The following RGS22 variants were observed in gnomAD, a reference collection of about 807,000 sequenced individuals.
RGS22 encodes the protein regulator of G-protein signaling 22.
A neutral mutation model predicts 172.9 loss-of-function variants in RGS22; 148 were observed. The observed-to-expected ratio is 0.86, with a 90% CI of 0.75 to 0.98. The LOEUF (loss-of-function observed/expected upper bound fraction) is 0.98. Ranked by LOEUF, RGS22 falls within the 50% of genes least tolerant of loss-of-function variation. The probability of loss-of-function intolerance (pLI) is 0.00; values close to 1 mark genes in which losing one functional copy is unlikely to be tolerated. For missense variants in RGS22, 1,347 were observed against 1,440.8 expected (o/e 0.93, Z 1.05); for synonymous variants, 458 against 480.2 (o/e 0.95, Z 0.60).
chr8:100,007,775 G>C lies in RGS22; in HGVS notation c.2361+600C>G, dbSNP rs538809927. Among the ~76,000 whole-genome samples, 232 of 144,764 alleles carry C rather than the reference G, an allele frequency of 1.6e-3. 2 individuals carry two copies. Among genetic ancestry groups the C allele is most frequent in the South Asian group, 4.5e-3 (21 of 4,628 alleles). 95.0% of individuals were successfully genotyped at this position (144,764 alleles called of 152,430 possible). A position where few individuals can be genotyped will look rare whatever the true frequency, so the allele number is the denominator to read the frequency against. On this transcript the variant is annotated intron_variant, in intron 15 of 27. Coordinates refer to ENST00000360863, the MANE Select transcript of RGS22 (RefSeq NM_015668.5). ...TCGTTAGACAACAATAAGAAAACCGGCAAAAAAAAAAGAAAAAAAAAATCA... is the reference window on the plus strand; with the variant it reads ...TCGTTAGACAACAATAAGAAAACCGCCAAAAAAAAAAGAAAAAAAAAATCA...
intron 10 of RGS22, among the ~76,000 whole-genome samples, chr8:100,048,076 A>G (rs1456318270): frequency 6.6e-6 from 1 of 152,070 alleles, no homozygotes; most frequent in African/African-American, 2.4e-5. Context: ...CCATTTTGGG[A>G]CATTTATTTC....
chr8:100,034,380 A>G (rs1819202559), intron 14 of RGS22, among the ~76,000 whole-genome samples: 1 of 152,210 alleles, frequency 6.6e-6, no homozygotes. Flanking sequence ...TACACAGAGA[A>G]TAAAATGCCT....
At chr8:99,972,595 A>T (rs1367338910) in intron 23 of RGS22, among the ~76,000 whole-genome samples, 1 of 152,352 alleles carries the variant, frequency 6.6e-6, no homozygotes. Flanking sequence ...GGCAAAGGAT[A>T]TGAACAGACA....
chr8:100,061,165 A>G (rs1355850442), intron 9 of RGS22, among the ~76,000 whole-genome samples: 2 of 151,286 alleles, frequency 1.3e-5, no homozygotes, highest in Non-Finnish European at 3.0e-5. Context: ...AACAATTAAC[A>G]CAAAAAGACT....
At chr8:99,972,050 A>C (rs1046013549) in intron 23 of RGS22, among the ~76,000 whole-genome samples, 1 of 152,194 alleles carries the variant, frequency 6.6e-6, no homozygotes, top group African/African-American at 2.4e-5. Context: ...ACCAAAACAG[A>C]TATATAGACC....
intron 9 of RGS22, among the ~76,000 whole-genome samples, chr8:100,053,732 T>C (rs1329214728): frequency 6.6e-6 from 1 of 151,856 alleles, no homozygotes; most frequent in Non-Finnish European, 1.5e-5. Context: ...GCCTCCTGGG[T>C]TCAAGCAATT....
chr8:100,067,681 A>G (rs1376789209), intron 6 of RGS22, among the ~76,000 whole-genome samples: 1 of 147,488 alleles, frequency 6.8e-6, no homozygotes, highest in Non-Finnish European at 1.5e-5. Context: ...CTGGAGTTCA[A>G]TGGTGCAGTC....
intron 9 of RGS22, among the ~76,000 whole-genome samples, chr8:100,053,599 T>C (rs547401217): frequency 6.6e-6 from 1 of 152,232 alleles, no homozygotes; most frequent in African/African-American, 2.4e-5. Flanking sequence ...CATTTATCTA[T>C]AATAAAAATT....
intron 9 of RGS22, among the ~76,000 whole-genome samples, chr8:100,055,012 A>G (rs1039892952): frequency 9.2e-5 from 14 of 152,170 alleles, no homozygotes; most frequent in African/African-American, 3.1e-4. Context: ...GTAGACTTCT[A>G]AGGTGCTTGA....
At chr8:100,035,436 T>A (rs1261266356) in intron 14 of RGS22, among the ~76,000 whole-genome samples, 1 of 151,826 alleles carries the variant, frequency 6.6e-6, no homozygotes, top group African/African-American at 2.4e-5. Flanking sequence ...TAGAATGGCG[T>A]TCATTAAAAA....
chr8:100,002,773 G>A (rs1278861098), intron 17 of RGS22, among the ~76,000 whole-genome samples: 1 of 152,136 alleles, frequency 6.6e-6, no homozygotes, highest in African/African-American at 2.4e-5. Context: ...GCTTGAATAA[G>A]GGCCAGGCAC....
At chr8:99,997,860 C>T (rs1008857389) in intron 19 of RGS22, among the ~76,000 whole-genome samples, 19 of 152,168 alleles carry the variant, frequency 1.2e-4, no homozygotes, top group Non-Finnish European at 2.6e-4. Context: ...CAAACCCATT[C>T]CCAGGAGGCA....
At chr8:100,066,086 A>G in intron 7 of RGS22, 81 bp downstream of exon 7, 1 of 1,318,650 alleles carries the variant, frequency 7.6e-7, no homozygotes, top group Non-Finnish European at 1.0e-6. Flanking sequence ...CCAACCACTA[A>G]GTACTGTACT....
intron 11 of RGS22, among the ~76,000 whole-genome samples, chr8:100,045,665 A>G (rs760278168): frequency 2.2e-4 from 33 of 151,746 alleles, no homozygotes; most frequent in Non-Finnish European, 2.1e-4. Flanking sequence ...CAAAATTTAA[A>G]AAGCACATGA....
At chr8:100,086,362 A>T (rs1170819301) in intron 3 of RGS22, among the ~76,000 whole-genome samples, 3 of 152,138 alleles carry the variant, frequency 2.0e-5, no homozygotes, top group Non-Finnish European at 4.4e-5. Flanking sequence ...CTGTTGAACC[A>T]ATGATTCTCA....
At chr8:100,077,108 C>T (rs1811412458) in intron 4 of RGS22, among the ~76,000 whole-genome samples, 1 of 152,022 alleles carries the variant, frequency 6.6e-6, no homozygotes, top group Non-Finnish European at 1.5e-5. Flanking sequence ...TAATGACATC[C>T]CCTTTTCATT....
intron 16 of RGS22, among the ~76,000 whole-genome samples, chr8:100,005,212 A>G (rs1815559703): frequency 6.6e-6 from 1 of 152,092 alleles, no homozygotes; most frequent in Non-Finnish European, 1.5e-5. Context: ...AGATATGTAC[A>G]AAGAAGAAAG....
rs1042067195 is a variant in RGS22, at chr8:99,962,296, A to G, written c.*45+98T>C. 3.5e-5 allele frequency: 26 copies of G among 745,188 alleles called. No individual in the cohort carries two copies. The African/African-American group carries it at 3.5e-4, about 10-fold the overall frequency. The allele number at this position is 745,188 out of a possible 1,614,324, so 46.2% of individuals were successfully genotyped here. A position where few individuals can be genotyped will look rare whatever the true frequency, so the allele number is the denominator to read the frequency against. ...TCGACTTATTAGTGGGACATGTTAT[A>G]TGTGTGGTATGCTGTGTGTGTGCAT... On this transcript the variant is annotated intron_variant, in intron 27 of 27. Coordinates refer to ENST00000360863, the MANE Select transcript of RGS22 (RefSeq NM_015668.5).
chr8:99,977,270 ATTTTTTTTTTT>A (rs895569407), intron 23 of RGS22, among the ~76,000 whole-genome samples: 91 of 120,388 alleles, frequency 7.6e-4, no homozygotes, highest in Non-Finnish European at 1.0e-3. Flanking sequence ...CGCCCGGTTA[ATTTTTTTTTTT>A]TTTTTTTTTT....
Sources: gnomAD v4.1 joint callset for allele counts (sites outside exome capture counted in the v4.1 genomes callset) on GRCh38, gnomAD v4.1.1 for gene constraint, MANE v1.5 for transcripts, NCBI Gene and HGNC (gene_info 2026-07-23, HGNC 2026-07-21) for gene names.